TRIM24: variants seen among roughly 807,000 people sequenced by gnomAD.
The protein encoded by TRIM24 is tripartite motif containing 24.
A neutral mutation model predicts 123.9 loss-of-function variants in TRIM24; 29 were observed. The ratio of observed to expected loss-of-function variants is 0.23; its 90% CI spans 0.17 to 0.32. The LOEUF is 0.32. Among genes scored for constraint, TRIM24 ranks in the 10% least tolerant of loss-of-function variants. TRIM24 has a pLI of 1.00. For synonymous variants in TRIM24, 456 were observed against 461.1 expected, an observed-to-expected ratio of 0.99 and a Z score of 0.14; for missense variants, 932 against 1,295.3, an observed-to-expected ratio of 0.72 and a Z score of 4.31.
At chr7:138,474,111 T>C (rs1332352643) in intron 1 of TRIM24, among the ~76,000 whole-genome samples, 1 of 147,012 alleles carries the variant, frequency 6.8e-6, no homozygotes, top group African/African-American at 2.5e-5. Context: ...AATTTCTAGA[T>C]TTATCTTGTA....
intron 2 of TRIM24, among the ~76,000 whole-genome samples, chr7:138,507,871 C>T (rs1221469541): frequency 6.6e-6 from 1 of 151,722 alleles, no homozygotes; most frequent in Non-Finnish European, 1.5e-5. Flanking sequence ...AAGATGGAGG[C>T]TGCAGTGAGC....
In TRIM24 at chr7:138,508,242, C is replaced by T. The variant is rs550978559; in HGVS notation, c.483+3834C>T. Among the ~76,000 whole-genome samples, 27 of 152,212 alleles carry T rather than the reference C, an allele frequency of 1.8e-4. No individual in the cohort carries two copies. The South Asian group carries it at 5.2e-3, about 29-fold the overall frequency. Reference sequence around the variant, plus strand: ...TGATAATTTCCATAAAGTCATTTAACGTGCTGATTATATATCTTGTGAAAC... The same window carrying T: ...TGATAATTTCCATAAAGTCATTTAATGTGCTGATTATATATCTTGTGAAAC... On this transcript the variant is annotated intron_variant, in intron 2 of 18. Coordinates refer to ENST00000343526, the MANE Select transcript of TRIM24 (RefSeq NM_015905.3).
At chr7:138,527,841 C>A (rs374418719) in intron 5 of TRIM24, among the ~76,000 whole-genome samples, 1 of 152,146 alleles carries the variant, frequency 6.6e-6, no homozygotes, top group African/African-American at 2.4e-5. Flanking sequence ...TGAGTGCACT[C>A]ATACCCAGCG....
intron 2 of TRIM24, among the ~76,000 whole-genome samples, chr7:138,505,732 A>C (rs1489934581): frequency 6.6e-6 from 1 of 152,150 alleles, no homozygotes; most frequent in African/African-American, 2.4e-5. Flanking sequence ...GCATTGTCCA[A>C]GGTGTTGGAT....
chr7:138,578,586 A>C (rs1264881458), intron 14 of TRIM24, among the ~76,000 whole-genome samples: 1 of 150,838 alleles, frequency 6.6e-6, no homozygotes, highest in Non-Finnish European at 1.5e-5. Context: ...GAATGGAAGC[A>C]GGACGGGGTT....
intron 1 of TRIM24, among the ~76,000 whole-genome samples, chr7:138,467,638 A>T (rs1795174976): frequency 6.6e-6 from 1 of 152,166 alleles, no homozygotes; most frequent in South Asian, 2.1e-4. Flanking sequence ...CACTGCACCC[A>T]GCCATAATGT....
At chr7:138,514,195 T>G (rs1221497072) in intron 2 of TRIM24, among the ~76,000 whole-genome samples, 1 of 152,170 alleles carries the variant, frequency 6.6e-6, no homozygotes, top group Non-Finnish European at 1.5e-5. Flanking sequence ...GAAAAAAATT[T>G]TACTGTCAAA....
rs778291695 is a variant in TRIM24, at chr7:138,529,134, A to G, written c.900A>G (p.Gln300=). 1.9e-6 allele frequency: 3 copies of G among 1,554,144 alleles called. No homozygotes were observed. The Admixed American group carries it at 6.5e-5, about 34-fold the overall frequency. ...QIQNRIIEVN[Q]NQKQVEQDIK... is the part of the protein sequence containing the mutation. ...TTTTCAGAATTATTGAAGTAAATCA[A>G]AATCAAAAGCAGGTGGAACAGGATA... Residue 300 remains glutamine, a synonymous_variant, in exon 6 of 19, where the codon CAA becomes CAG. Transcript: ENST00000343526.
At chr7:138,514,067 C>A (rs1796343788) in intron 2 of TRIM24, among the ~76,000 whole-genome samples, 1 of 152,148 alleles carries the variant, frequency 6.6e-6, no homozygotes, top group South Asian at 2.1e-4. Flanking sequence ...GCAGAAGTCA[C>A]TGGTATCAAG....
chr7:138,540,153 A>C (rs750469291), intron 7 of TRIM24, among the ~76,000 whole-genome samples: 1 of 152,156 alleles, frequency 6.6e-6, no homozygotes, highest in Non-Finnish European at 1.5e-5. Flanking sequence ...CAAGAGTCAT[A>C]ATCTTTTTGC....
At chr7:138,575,930 G>A (rs953277520) in intron 12 of TRIM24, among the ~76,000 whole-genome samples, 2 of 152,050 alleles carry the variant, frequency 1.3e-5, no homozygotes, top group African/African-American at 4.8e-5. Context: ...CTATCAGCCC[G>A]TACCACCTTT....
rs192839653 is a variant in TRIM24 at position 138,538,301 on chromosome 7, A to G, written c.997-356A>G. 3.9e-5 allele frequency among the ~76,000 whole-genome samples: 6 copies of G among 152,354 alleles called. No individual in the cohort carries two copies. The East Asian group carries it at 1.2e-3, about 29-fold the overall frequency. ...GTAAATTATGTGATAGAGTTACTTT[A>G]TAGGTTTGCTGGACAGTACATCTGT... On this transcript the variant is annotated intron_variant, in intron 6 of 18. Coordinates refer to ENST00000343526, the MANE Select transcript of TRIM24 (RefSeq NM_015905.3).
chr7:138,474,140 T>TTC (rs1795346092), intron 1 of TRIM24, among the ~76,000 whole-genome samples: 1 of 151,174 alleles, frequency 6.6e-6, no homozygotes, highest in Admixed American at 6.6e-5. Context: ...TTTTTTTTTT[T>TTC]TTTGAGACGG....
intron 16 of TRIM24, 32 bp downstream of exon 16, chr7:138,580,726 G>A (rs995265809): frequency 2.5e-6 from 4 of 1,602,272 alleles, no homozygotes; most frequent in South Asian, 1.1e-5. Flanking sequence ...TTATTGTATT[G>A]TAGTGCAATA....
chr7:138,589,922 A>G lies in TRIM24; in HGVS notation c.*4971A>G, dbSNP rs773644438. ...TCCTTAATTTTCAAATTAAGTCCTA[A>G]TTTGAGTCCTAAAAAAATCTTTCCT... On this transcript the variant is annotated 3_prime_UTR_variant, in exon 19 of 19. Coordinates refer to ENST00000343526, the MANE Select transcript of TRIM24 (RefSeq NM_015905.3). 6.6e-6 allele frequency: 1 copy of G among 152,182 alleles called. No homozygotes were observed. The highest frequency in any genetic ancestry group is 2.1e-4 in the South Asian group (1 of 4,826). The allele number at this position is 152,182 out of a possible 1,614,324, so 9.4% of individuals were successfully genotyped here. A position where few individuals can be genotyped will look rare whatever the true frequency, so the allele number is the denominator to read the frequency against.
intron 1 of TRIM24, among the ~76,000 whole-genome samples, chr7:138,461,816 G>A (rs1426236826): frequency 1.3e-5 from 2 of 152,074 alleles, no homozygotes; most frequent in Non-Finnish European, 2.9e-5. Context: ...AACTGGAAAA[G>A]CATTTTTAAT....
At chr7:138,582,566 T>A (rs1394815589) in intron 17 of TRIM24, among the ~76,000 whole-genome samples, 1 of 146,870 alleles carries the variant, frequency 6.8e-6, no homozygotes, top group Non-Finnish European at 1.5e-5. Context: ...AAAAGTTTGA[T>A]GTGACTTTAA....
intron 6 of TRIM24, among the ~76,000 whole-genome samples, chr7:138,533,373 T>C (rs1403033135): frequency 9.2e-5 from 14 of 152,216 alleles, no homozygotes; most frequent in Non-Finnish European, 2.9e-5. Flanking sequence ...TAGCTCTTAT[T>C]ATTTTGAGAT....
At chr7:138,555,945 C>T (rs993907939) in intron 9 of TRIM24, among the ~76,000 whole-genome samples, 3 of 152,154 alleles carry the variant, frequency 2.0e-5, no homozygotes, top group Admixed American at 6.6e-5. Context: ...GCACATTACA[C>T]TGGCATTAAG....
Sources: allele counts gnomAD v4.1 joint callset (sites outside exome capture counted in the v4.1 genomes callset), GRCh38; gene constraint gnomAD v4.1.1; transcripts MANE v1.5; gene names NCBI Gene and HGNC (gene_info 2026-07-23, HGNC 2026-07-21).